Variants in NRG1 observed in about 807,000 individuals in gnomAD.
NRG1 encodes neuregulin 1, also known as pro-neuregulin-1, membrane-bound isoform.
Under a neutral mutation model 63.8 loss-of-function variants are expected in NRG1, and 18 were observed. The ratio of observed to expected loss-of-function variants is 0.28; its 90% confidence interval spans 0.19 to 0.42. The LOEUF (loss-of-function observed/expected upper bound fraction) is 0.42, where lower values mean the gene tolerates loss of function less well. Among genes scored for constraint, NRG1 ranks in the 10% least tolerant of loss-of-function variants. NRG1 has a pLI of 1.00. For synonymous variants in NRG1, 302 were observed against 301.3 expected (o/e 1.00, Z -0.02); for missense variants, 762 against 814.7 (o/e 0.94, Z 0.79).
At chr8:32,062,240 A>T (rs915633355) in intron 1 of NRG1, among the ~76,000 whole-genome samples, 3 of 152,142 alleles carry the variant, frequency 2.0e-5, no homozygotes, top group Non-Finnish European at 4.4e-5. Context: ...ACCTTTCTTC[A>T]GAGCAGAGCC....
intron 1 of NRG1, among the ~76,000 whole-genome samples, chr8:31,903,924 C>T (rs904780464): frequency 2.6e-5 from 4 of 152,084 alleles, no homozygotes; most frequent in African/African-American, 9.7e-5. Context: ...GCACTCCAGC[C>T]TGGGTGACAA....
At chr8:32,238,369 G>T (rs1335331247) in intron 1 of NRG1, among the ~76,000 whole-genome samples, 3 of 150,894 alleles carry the variant, frequency 2.0e-5, no homozygotes, top group African/African-American at 7.3e-5. Flanking sequence ...TGGGGCAGGA[G>T]AATCGCTTGA....
intron 7 of NRG1, among the ~76,000 whole-genome samples, chr8:32,743,721 A>T (rs1826913030): frequency 1.3e-5 from 2 of 150,166 alleles, no homozygotes; most frequent in East Asian, 2.1e-4. Context: ...CAAACCATGT[A>T]TTTGTCCTAT....
At chr8:31,797,638 A>T (rs1821356624) in intron 1 of NRG1, among the ~76,000 whole-genome samples, 1 of 152,214 alleles carries the variant, frequency 6.6e-6, no homozygotes, top group African/African-American at 2.4e-5. Context: ...CAAATTCAGG[A>T]TATTGAAGAG....
chr8:32,032,387 C>T (rs982322184), intron 1 of NRG1, among the ~76,000 whole-genome samples: 17 of 152,072 alleles, frequency 1.1e-4, no homozygotes, highest in Admixed American at 2.6e-4. Context: ...CCTCAGCCTC[C>T]GAAGTAGCTG....
intron 1 of NRG1, among the ~76,000 whole-genome samples, chr8:31,830,684 G>A (rs1372479851): frequency 6.6e-6 from 1 of 151,872 alleles, no homozygotes; most frequent in Non-Finnish European, 1.5e-5. Flanking sequence ...TTGGCCATGA[G>A]CATCTCATTC....
intron 1 of NRG1, among the ~76,000 whole-genome samples, chr8:31,979,122 T>C (rs149022545): frequency 5.3e-4 from 80 of 152,260 alleles, no homozygotes; most frequent in African/African-American, 1.8e-3. Context: ...GGGTGTCTGC[T>C]GAAAGCAGGT....
intron 1 of NRG1, among the ~76,000 whole-genome samples, chr8:32,550,328 A>G (rs1049895873): frequency 1.3e-5 from 2 of 152,182 alleles, no homozygotes; most frequent in African/African-American, 4.8e-5. Context: ...GAGCTGGATT[A>G]GTTACCTCCC....
chr8:31,690,110 G>A (rs557913626), intron 1 of NRG1, among the ~76,000 whole-genome samples: 1 of 152,276 alleles, frequency 6.6e-6, no homozygotes, highest in Non-Finnish European at 1.5e-5. Flanking sequence ...TTTCTAAGGG[G>A]CTTTTCCTCC....
At chr8:31,740,866 G>T (rs1283565186) in intron 1 of NRG1, among the ~76,000 whole-genome samples, 4 of 151,948 alleles carry the variant, frequency 2.6e-5, no homozygotes, top group African/African-American at 9.7e-5. Context: ...ATCCCATAAT[G>T]GGTATATATT....
intron 1 of NRG1, among the ~76,000 whole-genome samples, chr8:32,288,553 G>C (rs896725625): frequency 6.6e-6 from 1 of 152,094 alleles, no homozygotes; most frequent in Non-Finnish European, 1.5e-5. Flanking sequence ...TGGCATGCTC[G>C]AGTGTAGTCT....
intron 1 of NRG1, among the ~76,000 whole-genome samples, chr8:32,426,915 G>A (rs74512606): frequency 6.6e-6 from 1 of 152,020 alleles, no homozygotes; most frequent in Non-Finnish European, 1.5e-5. Flanking sequence ...AAGGTCATCT[G>A]TGTTTATATT....
intron 1 of NRG1, among the ~76,000 whole-genome samples, chr8:31,855,115 A>T (rs528956936): frequency 6.6e-6 from 1 of 152,024 alleles, no homozygotes; most frequent in South Asian, 2.1e-4. Flanking sequence ...AGTTCTGTAG[A>T]TGTCTATTAG....
chr8:32,038,460 G>A (rs1819427065), intron 1 of NRG1, among the ~76,000 whole-genome samples: 1 of 152,074 alleles, frequency 6.6e-6, no homozygotes, highest in African/African-American at 2.4e-5. Context: ...TTCTGTTGCA[G>A]ACACTGCAAG....
At chr8:32,369,667 TTGTC>T (rs1393021524) in intron 1 of NRG1, among the ~76,000 whole-genome samples, 1 of 152,144 alleles carries the variant, frequency 6.6e-6, no homozygotes, top group Admixed American at 6.5e-5. Context: ...AAGCTGCAGG[TTGTC>T]TGCCAGATTT....
chr8:31,683,504 A>ACT (rs1808552709), intron 1 of NRG1, among the ~76,000 whole-genome samples: 1 of 152,172 alleles, frequency 6.6e-6, no homozygotes, highest in South Asian at 2.1e-4. Context: ...AAAAGGCAAA[A>ACT]CTATGGAGTC....
chr8:31,994,358 A>T (rs971246651), intron 1 of NRG1, among the ~76,000 whole-genome samples: 3 of 151,890 alleles, frequency 2.0e-5, no homozygotes, highest in Non-Finnish European at 2.9e-5. Flanking sequence ...GACAGGTTAG[A>T]AGAAGTCTCC....
Position 32,739,770 on chromosome 8 carries a change from C to T in NRG1, c.633-2905C>T, listed in dbSNP as rs181414249. On this transcript the variant is annotated intron_variant, in intron 6 of 11. Coordinates refer to ENST00000356819, the Ensembl canonical transcript of NRG1. Reference sequence around the variant, plus strand: ...TTGTTAATTTAATGATTCTTACTAACGTAAGGGCATTTCCTGCCTTGAGCA... The same window carrying T: ...TTGTTAATTTAATGATTCTTACTAATGTAAGGGCATTTCCTGCCTTGAGCA... Among the ~76,000 whole-genome samples the T allele has an allele frequency of 3.3e-5, 5 of 152,266 alleles. No homozygotes were observed. In the East Asian group the frequency reaches 9.6e-4, roughly 29 times the overall value.
intron 1 of NRG1, chr8:32,029,546 T>C (rs773839386): frequency 2.6e-5 from 4 of 152,222 alleles, no homozygotes; most frequent in Admixed American, 6.5e-5. Context: ...GAACATGGTT[T>C]GAACAGTTGA....
Sources: allele counts gnomAD v4.1 joint callset (sites outside exome capture counted in the v4.1 genomes callset), GRCh38; gene constraint gnomAD v4.1.1; transcripts MANE v1.5; gene names NCBI Gene and HGNC (gene_info 2026-07-23, HGNC 2026-07-21).